Variants in CNTNAP2 observed in about 807,000 individuals in gnomAD.
CNTNAP2 encodes the protein contactin-associated protein-like 2.
In CNTNAP2, 98 loss-of-function variants were observed where a neutral mutation model predicts 155.2. The ratio of observed to expected loss-of-function variants is 0.63; its 90% confidence interval spans 0.54 to 0.75. The LOEUF (loss-of-function observed/expected upper bound fraction) is 0.75, where lower values mean the gene tolerates loss of function less well. CNTNAP2 is among the 30% of genes least tolerant of loss of function. The pLI is 0.00. For missense variants in CNTNAP2, 1,727 were observed against 1,688.1 expected (o/e 1.02, Z -0.40); for synonymous variants, 651 against 631.2 (o/e 1.03, Z -0.47).
chr7:147,280,825 C>G (rs1215553143), intron 8 of CNTNAP2, among the ~76,000 whole-genome samples: 1 of 151,778 alleles, frequency 6.6e-6, no homozygotes, highest in African/African-American at 2.4e-5. Context: ...AGTAAGATAT[C>G]CTTTTCATTG....
intron 11 of CNTNAP2, among the ~76,000 whole-genome samples, chr7:147,507,550 CTTTTTTTTTTTTTT>C (rs3052511): frequency 3.7e-5 from 3 of 82,026 alleles, no homozygotes; most frequent in Non-Finnish European, 6.7e-5. Flanking sequence ...CTCTTTCTTT[CTTTTTTTTTTTTTT>C]TTTTTTTTTT....
chr7:146,248,248 C>T (rs981242462), intron 1 of CNTNAP2, among the ~76,000 whole-genome samples: 28 of 150,902 alleles, frequency 1.9e-4, no homozygotes, highest in Admixed American at 1.6e-3. Flanking sequence ...CAGGACTTGC[C>T]GCTCAGGGTG....
At chr7:147,263,262 G>C (rs1292575527) in intron 8 of CNTNAP2, among the ~76,000 whole-genome samples, 1 of 152,094 alleles carries the variant, frequency 6.6e-6, no homozygotes, top group African/African-American at 2.4e-5. Context: ...CCTGAAGGCT[G>C]AAGTGGGAGG....
At chr7:148,023,025 A>G (rs1237995689) in intron 15 of CNTNAP2, among the ~76,000 whole-genome samples, 1 of 152,156 alleles carries the variant, frequency 6.6e-6, no homozygotes, top group Non-Finnish European at 1.5e-5. Flanking sequence ...TGTCACTCAT[A>G]GCAATCCCCA....
intron 8 of CNTNAP2, among the ~76,000 whole-genome samples, chr7:147,134,595 T>A (rs1338015922): frequency 1.3e-5 from 2 of 151,604 alleles, no homozygotes; most frequent in African/African-American, 2.4e-5. Flanking sequence ...GAAAAAAAAA[T>A]TCAACCATTT....
intron 1 of CNTNAP2, among the ~76,000 whole-genome samples, chr7:146,544,099 A>G (rs901713343): frequency 3.3e-5 from 5 of 152,040 alleles, no homozygotes; most frequent in African/African-American, 1.2e-4. Flanking sequence ...GCTAATAATT[A>G]AAACTGGGAC....
chr7:147,780,874 A>G lies in CNTNAP2; in HGVS notation c.2099-122691A>G, dbSNP rs528506259. Among the ~76,000 whole-genome samples, 32 of 152,346 alleles carry G rather than the reference A, an allele frequency of 2.1e-4. No homozygotes were observed. The Middle Eastern group carries it at 0.01, about 49-fold the overall frequency. On this transcript the variant is annotated intron_variant, in intron 13 of 23. Transcript: ENST00000361727. ...GTGAAAGACTTAGCCAGGAAGGGAG[A>G]ATACCATTTGCATGTATAATTTTCC...
intron 15 of CNTNAP2, among the ~76,000 whole-genome samples, chr7:148,057,818 C>T (rs897232049): frequency 6.6e-6 from 1 of 152,054 alleles, no homozygotes; most frequent in African/African-American, 2.4e-5. Flanking sequence ...TGCTGCCACT[C>T]CTTGACTGTG....
chr7:146,574,976 TC>T (rs1798501212), intron 1 of CNTNAP2, among the ~76,000 whole-genome samples: 1 of 152,066 alleles, frequency 6.6e-6, no homozygotes, highest in African/African-American at 2.4e-5. Context: ...TCTTCCTTTT[TC>T]CCCCTCTTGT....
rs1046370458 is a variant in CNTNAP2, at chr7:146,315,424, G to A, written c.97+198451G>A. 5.9e-5 allele frequency among the ~76,000 whole-genome samples: 9 copies of A among 152,130 alleles called. No individual in the cohort carries two copies. The East Asian group carries it at 1.7e-3, about 29-fold the overall frequency. On this transcript the variant is annotated intron_variant, in intron 1 of 23. Coordinates refer to ENST00000361727, the MANE Select transcript of CNTNAP2 (RefSeq NM_014141.6). Reference sequence around the variant, plus strand: ...GTTGAGGTTTCTTTCCAAATGTAAGGCACTGTGCTCAGGGTGGGGTTATGC... The same window carrying A: ...GTTGAGGTTTCTTTCCAAATGTAAGACACTGTGCTCAGGGTGGGGTTATGC...
chr7:146,542,126 C>A (rs1258295873), intron 1 of CNTNAP2, among the ~76,000 whole-genome samples: 1 of 151,844 alleles, frequency 6.6e-6, no homozygotes, highest in East Asian at 1.9e-4. Context: ...TTAAACACAT[C>A]CAGCTTCTTT....
intron 1 of CNTNAP2, among the ~76,000 whole-genome samples, chr7:146,431,339 A>G (rs772203344): frequency 9.2e-5 from 14 of 152,030 alleles, no homozygotes; most frequent in Non-Finnish European, 1.9e-4. Context: ...CCCATAGTTA[A>G]TAACAATTCT....
At chr7:148,325,668 G>C (rs74345713) in intron 21 of CNTNAP2, among the ~76,000 whole-genome samples, 2,982 of 152,276 alleles carry the variant, frequency 0.02, 100 homozygotes, top group African/African-American at 0.067. Context: ...TGTAAACATA[G>C]AACTTTTTAA....
chr7:147,002,831 C>CTTAACAGCTCA (rs2129241432), intron 3 of CNTNAP2, among the ~76,000 whole-genome samples: 1 of 150,524 alleles, frequency 6.6e-6, no homozygotes, highest in South Asian at 2.1e-4. Flanking sequence ...ACCTTAGAAC[C>CTTAACAGCTCA]TTAACAGCTC....
intron 11 of CNTNAP2, among the ~76,000 whole-genome samples, chr7:147,519,026 A>T (rs1171682394): frequency 2.7e-5 from 1 of 36,754 alleles, no homozygotes; most frequent in Non-Finnish European, 1.0e-4. Flanking sequence ...TCTGTCTCAA[A>T]AAAAAAAAAA....
At chr7:147,372,276 G>A (rs936213858) in intron 9 of CNTNAP2, among the ~76,000 whole-genome samples, 3 of 152,106 alleles carry the variant, frequency 2.0e-5, no homozygotes, top group African/African-American at 7.2e-5. Flanking sequence ...GAGCCTATTA[G>A]AGTAAAAACA....
chr7:147,072,259 A>C (rs535509963), intron 4 of CNTNAP2, among the ~76,000 whole-genome samples: 1 of 152,240 alleles, frequency 6.6e-6, no homozygotes, highest in African/African-American at 2.4e-5. Flanking sequence ...GTGATTTGGT[A>C]TGAAATAAGG....
At chr7:146,663,386 C>T (rs1424944137) in intron 1 of CNTNAP2, among the ~76,000 whole-genome samples, 11 of 146,796 alleles carry the variant, frequency 7.5e-5, no homozygotes, top group African/African-American at 2.5e-4. Flanking sequence ...TTTTTTAATT[C>T]CATTCTAGAT....
chr7:148,261,153 T>G (rs1277242231), intron 20 of CNTNAP2, among the ~76,000 whole-genome samples: 1 of 142,692 alleles, frequency 7.0e-6, no homozygotes, highest in Non-Finnish European at 1.5e-5. Context: ...GTGTCCTTTG[T>G]GCATCTGTTG....
Sources: gnomAD v4.1 joint callset for allele counts (sites outside exome capture counted in the v4.1 genomes callset) on GRCh38, gnomAD v4.1.1 for gene constraint, MANE v1.5 for transcripts, NCBI Gene and HGNC (gene_info 2026-07-23, HGNC 2026-07-21) for gene names.